GRM7: variants seen among roughly 807,000 people sequenced by gnomAD.
The protein encoded by GRM7 is glutamate metabotropic receptor 7.
In GRM7, 35 loss-of-function variants were observed where a neutral mutation model predicts 84.5. That is an observed-to-expected ratio of 0.41 (90% CI 0.32 to 0.55). GRM7 has a LOEUF of 0.55. GRM7 is among the 20% of genes least tolerant of loss of function. GRM7 has a pLI of 0.19. For missense variants in GRM7, 1,003 were observed against 1,194.6 expected (o/e 0.84, Z 2.36); for synonymous variants, 487 against 455.1 (o/e 1.07, Z -0.89).
intron 7 of GRM7, among the ~76,000 whole-genome samples, chr3:7,543,254 G>A (rs539406661): frequency 3.3e-5 from 5 of 152,272 alleles, no homozygotes; most frequent in East Asian, 1.9e-4. Context: ...TCTAAGTCTC[G>A]ATTACATTGT....
chr3:6,891,307 G>C (rs551577773), intron 1 of GRM7, among the ~76,000 whole-genome samples: 63 of 152,274 alleles, frequency 4.1e-4, no homozygotes, highest in African/African-American at 1.5e-3. Flanking sequence ...CTCATTAGTT[G>C]ATGCAGTTTC....
At chr3:7,455,465 A>T (rs1277810547) in intron 6 of GRM7, among the ~76,000 whole-genome samples, 1 of 152,160 alleles carries the variant, frequency 6.6e-6, no homozygotes, top group Non-Finnish European at 1.5e-5. Context: ...CAAGGTGGAC[A>T]TCATCACTTA....
At chr3:7,511,731 A>G (rs913824077) in intron 7 of GRM7, among the ~76,000 whole-genome samples, 2 of 152,170 alleles carry the variant, frequency 1.3e-5, no homozygotes, top group African/African-American at 4.8e-5. Flanking sequence ...ATGAGACCAC[A>G]AAGGCATTAG....
chr3:7,510,510 C>G (rs560755494), intron 7 of GRM7, among the ~76,000 whole-genome samples: 5 of 152,164 alleles, frequency 3.3e-5, no homozygotes, highest in South Asian at 4.2e-4. Flanking sequence ...TGTTGGGGAA[C>G]CTTGTAGCCA....
intron 1 of GRM7, among the ~76,000 whole-genome samples, chr3:6,874,811 G>A (rs1364581764): frequency 2.0e-5 from 3 of 152,110 alleles, no homozygotes; most frequent in Admixed American, 2.0e-4. Flanking sequence ...TAGTGAAGGG[G>A]ACCTCTTCAA....
chr3:7,659,504 A>G (rs1176519427), intron 8 of GRM7, among the ~76,000 whole-genome samples: 1 of 152,194 alleles, frequency 6.6e-6, no homozygotes, highest in African/African-American at 2.4e-5. Flanking sequence ...GACACATAGT[A>G]GAATCTCAAT....
At chr3:7,355,337 T>C (rs1261788208) in intron 4 of GRM7, among the ~76,000 whole-genome samples, 2 of 152,028 alleles carry the variant, frequency 1.3e-5, no homozygotes, top group African/African-American at 2.4e-5. Flanking sequence ...TGCTAGTTTG[T>C]AGTGGGGCCC....
intron 1 of GRM7, among the ~76,000 whole-genome samples, chr3:7,092,910 C>T (rs1698721132): frequency 2.6e-5 from 4 of 152,096 alleles, no homozygotes; most frequent in Admixed American, 2.6e-4. Flanking sequence ...TAGTGACACC[C>T]CATTTCTACA....
rs757158194 is a variant in GRM7 at position 7,740,382 on chromosome 3, C to T, written c.2724C>T (p.Val908=). 1 of 1,587,822 alleles carries T rather than the reference C, an allele frequency of 6.3e-7. No homozygotes were observed. The highest frequency in any genetic ancestry group is 8.6e-7 in the Non-Finnish European group (1 of 1,161,980). Residue 908 remains valine, a synonymous_variant, in exon 10 of 10, where the codon GTC becomes GTT. Coordinates refer to ENST00000357716, the MANE Select transcript of GRM7 (RefSeq NM_000844.4). Reference sequence around the variant, plus strand: ...GCCCTGCTGCAAAAAAGAAGTATGTCAGTTATAATAACCTGGTTATCTAAC... The same window carrying T: ...GCCCTGCTGCAAAAAAGAAGTATGTTAGTTATAATAACCTGGTTATCTAAC... ...PNSPAAKKKY[V]SYNNLVI
At chr3:7,625,313 G>T (rs1472068716) in intron 8 of GRM7, among the ~76,000 whole-genome samples, 1 of 151,984 alleles carries the variant, frequency 6.6e-6, no homozygotes, top group Non-Finnish European at 1.5e-5. Context: ...GCAGCAATGG[G>T]AATAATTTAA....
At chr3:7,595,577 T>C (rs114071430) in intron 8 of GRM7, among the ~76,000 whole-genome samples, 1,997 of 152,216 alleles carry the variant, frequency 0.013, 44 homozygotes, top group African/African-American at 0.039. Context: ...ATATATCAGT[T>C]GCTTAAATGC....
intron 1 of GRM7, among the ~76,000 whole-genome samples, chr3:7,065,081 G>T (rs1441501113): frequency 1.3e-5 from 2 of 151,782 alleles, no homozygotes; most frequent in Non-Finnish European, 2.9e-5. Context: ...TGTAGATTCT[G>T]GTTATTAGTC....
chr3:6,864,524 G>T (rs1395714321), intron 1 of GRM7, among the ~76,000 whole-genome samples: 1 of 152,176 alleles, frequency 6.6e-6, no homozygotes, highest in Admixed American at 6.5e-5. Context: ...AGTGAATCTT[G>T]TCGGGGATTT....
At chr3:7,097,819 T>C (rs1195655066) in intron 1 of GRM7, among the ~76,000 whole-genome samples, 1 of 152,120 alleles carries the variant, frequency 6.6e-6, no homozygotes, top group African/African-American at 2.4e-5. Flanking sequence ...TTCGAAGCCA[T>C]GCTTTTCTAA....
chr3:7,435,945 A>G (rs34195122), intron 5 of GRM7, among the ~76,000 whole-genome samples: 48,729 of 142,242 alleles, frequency 0.34, 9,304 homozygotes, highest in Non-Finnish European at 0.45. Context: ...CTTGTGATCC[A>G]CCCACCTCGG....
At chr3:7,532,803 C>CGA in intron 7 of GRM7, among the ~76,000 whole-genome samples, 1 of 70,650 alleles carries the variant, frequency 1.4e-5, no homozygotes, top group East Asian at 4.6e-4. Flanking sequence ...AAAGGGAAAG[C>CGA]AAAAAAAAAA....
chr3:7,535,940 G>A (rs148388698), intron 7 of GRM7, among the ~76,000 whole-genome samples: 172 of 152,272 alleles, frequency 1.1e-3, no homozygotes, highest in Middle Eastern at 6.8e-3. Flanking sequence ...TGCGTAAGGT[G>A]GGAAGTAACT....
At chr3:7,685,758 AGGACT>A (rs1015490729) in intron 9 of GRM7, among the ~76,000 whole-genome samples, 9 of 152,044 alleles carry the variant, frequency 5.9e-5, no homozygotes, top group African/African-American at 1.9e-4. Flanking sequence ...TACATAAACT[AGGACT>A]GTCAATATAA....
At chr3:6,973,349 AC>A (rs1204734833) in intron 1 of GRM7, among the ~76,000 whole-genome samples, 1 of 152,184 alleles carries the variant, frequency 6.6e-6, no homozygotes, top group African/African-American at 2.4e-5. Flanking sequence ...CGATCTCAGT[AC>A]TAAAGATTAG....
Sources: allele counts gnomAD v4.1 joint callset (sites outside exome capture counted in the v4.1 genomes callset), GRCh38; gene constraint gnomAD v4.1.1; transcripts MANE v1.5; gene names NCBI Gene and HGNC (gene_info 2026-07-23, HGNC 2026-07-21).